JAKMIP1: variants seen among roughly 807,000 people sequenced by gnomAD.
JAKMIP1 encodes the protein janus kinase and microtubule interacting protein 1, also known as janus kinase and microtubule-interacting protein 1.
In JAKMIP1, 33 loss-of-function variants were observed where a neutral mutation model predicts 113.0. The ratio of observed to expected loss-of-function variants is 0.29; its 90% CI spans 0.22 to 0.39. The LOEUF (loss-of-function observed/expected upper bound fraction) is 0.39, where lower values mean the gene tolerates loss of function less well. Among genes scored for constraint, JAKMIP1 ranks in the 10% least tolerant of loss-of-function variants. The probability of loss-of-function intolerance (pLI) is 1.00; values close to 1 mark genes in which losing one functional copy is unlikely to be tolerated. For missense variants in JAKMIP1, 813 were observed against 1,080.5 expected, an observed-to-expected ratio of 0.75 and a Z score of 3.47; for synonymous variants, 480 against 459.9, an observed-to-expected ratio of 1.04 and a Z score of -0.56.
chr4:6,105,684 T>C lies in JAKMIP1; in HGVS notation c.413A>G (p.Glu138Gly), dbSNP rs1032370263. The change falls in exon 3 of 21, where the codon GAG becomes GGG. Residue 138 changes from glutamate to glycine, a missense_variant. Physicochemically the swap from Glu to Gly is moderately conservative, Grantham distance 98 (BLOSUM62 -2). Coordinates refer to ENST00000409021, the MANE Select transcript of JAKMIP1 (RefSeq NM_001099433.2). ...TCCATCGAAGGCCCTGCGCGCCTCC[T>C]CGCGCGCCTCGGTCAGCAGCGCCGT... The part of the protein sequence containing the change: ...VKTALLTEAR[E>G]EARRAFDGER... 2 of 1,602,884 alleles carry C rather than the reference T, an allele frequency of 1.2e-6. No homozygotes were observed. The highest frequency in any genetic ancestry group is 1.7e-6 in the Non-Finnish European group (2 of 1,177,346).
At position 6,135,669 on chromosome 4, in the gene JAKMIP1, G is replaced by A. The variant is rs531466785; in HGVS notation, c.-147-22672C>T. Among the ~76,000 whole-genome samples, 116 of 152,192 alleles carry A rather than the reference G, an allele frequency of 7.6e-4. No individual in the cohort carries two copies. The highest frequency in any genetic ancestry group is 1.0e-3 in the Non-Finnish European group (68 of 68,016). Reference sequence around the variant, plus strand: ...CCACTGCATCAACCATACCACCCCCGCTGAGAAGTTGCTTCTTGCCCCATG... The same window carrying A: ...CCACTGCATCAACCATACCACCCCCACTGAGAAGTTGCTTCTTGCCCCATG... On this transcript the variant is annotated intron_variant, in intron 1 of 20. Coordinates refer to ENST00000409021, the MANE Select transcript of JAKMIP1 (RefSeq NM_001099433.2). This position sits in a 1 kb window ranked among gnomAD's most constrained non-coding sequence, Gnocchi z 4.9.
At chr4:6,084,318 CAAAA>C (rs34850390) in intron 5 of JAKMIP1, among the ~76,000 whole-genome samples, 3 of 123,040 alleles carry the variant, frequency 2.4e-5, no homozygotes, top group African/African-American at 3.2e-5. Context: ...AACTTTATCT[CAAAA>C]AAAAAAAAAA....
At position 6,029,591 on chromosome 4, in the gene JAKMIP1, G is replaced by A. The variant is rs930276350; in HGVS notation, c.2445+125C>T. On this transcript the variant is annotated intron_variant, in intron 20 of 20. Coordinates refer to ENST00000409021, the MANE Select transcript of JAKMIP1 (RefSeq NM_001099433.2). ...ATTTCCATGAGATGCTGATTTAGGG[G>A]AAGAAGGGCAGAGAAAGGAGGGCTG... 4 of 676,396 alleles carry A rather than the reference G, an allele frequency of 5.9e-6. No individual in the cohort carries two copies. In the African/African-American group the frequency reaches 7.2e-5, roughly 12 times the overall value. 41.9% of individuals were successfully genotyped at this position (676,396 alleles called of 1,614,324 possible). A position where few individuals can be genotyped will look rare whatever the true frequency, so the allele number is the denominator to read the frequency against.
chr4:6,061,566 C>A lies in JAKMIP1; in HGVS notation c.1560+746G>T, dbSNP rs549305651. On this transcript the variant is annotated intron_variant, in intron 10 of 20. Transcript: ENST00000409021. The surrounding 1 kb of genome is among the most constrained non-coding windows in gnomAD (Gnocchi z 5.3). ...GCCCTGAGTCCGAGAAACCTGGCCTCGACTCCCAGCTCTGTTCAGCATCAT... is the reference window on the plus strand; with the variant it reads ...GCCCTGAGTCCGAGAAACCTGGCCTAGACTCCCAGCTCTGTTCAGCATCAT... Among the ~76,000 whole-genome samples the A allele has an allele frequency of 6.6e-6, 1 of 152,184 alleles. No individual in the cohort carries two copies. Among genetic ancestry groups the A allele is most frequent in the Non-Finnish European group, 1.5e-5 (1 of 68,040 alleles).
intron 7 of JAKMIP1, 76 bp from the exon 8 acceptor site, chr4:6,079,074 G>C: frequency 6.5e-7 from 1 of 1,527,118 alleles, no homozygotes; most frequent in Non-Finnish European, 9.1e-7. Context: ...CTCTCAAAGG[G>C]AGCTGGGCCT....
In JAKMIP1 at chr4:6,176,099, C is replaced by T. The variant is rs1270600495; in HGVS notation, c.-148+24154G>A. On this transcript the variant is annotated intron_variant, in intron 1 of 20. Coordinates refer to ENST00000409021, the MANE Select transcript of JAKMIP1 (RefSeq NM_001099433.2). This position sits in a 1 kb window ranked among gnomAD's most constrained non-coding sequence, Gnocchi z 5.5. ...ATACAGAGATGAACATGGTGTAATG[C>T]TCCCCTGGAGTAGTCAGAGATCTAG... Among the ~76,000 whole-genome samples the T allele has an allele frequency of 6.6e-6, 1 of 152,218 alleles. No homozygotes were observed. Among genetic ancestry groups the T allele is most frequent in the Non-Finnish European group, 1.5e-5 (1 of 68,046 alleles).
Position 6,158,860 on chromosome 4 carries a change from A to G in JAKMIP1, c.-148+41393T>C, listed in dbSNP as rs1251997876. Among the ~76,000 whole-genome samples, 1 of 152,160 alleles carries G rather than the reference A, an allele frequency of 6.6e-6. No homozygotes were observed. The highest frequency in any genetic ancestry group is 1.5e-5 in the Non-Finnish European group (1 of 68,024). On this transcript the variant is annotated intron_variant, in intron 1 of 20. Transcript: ENST00000409021. This position sits in a 1 kb window ranked among gnomAD's most constrained non-coding sequence, Gnocchi z 5.3. ...TCTCATCACTTTGGGAGTTTGAAGC[A>G]GGAGGATCGCTTGACCTCAGGAGTT...
At chr4:6,102,895 C>T (rs888730410) in intron 3 of JAKMIP1, among the ~76,000 whole-genome samples, 1 of 151,586 alleles carries the variant, frequency 6.6e-6, no homozygotes, top group Non-Finnish European at 1.5e-5. Context: ...CACTGCACCC[C>T]GCTAATTTTT....
Position 6,158,671 on chromosome 4 carries a change from C to T in JAKMIP1, c.-148+41582G>A, listed in dbSNP as rs1722550352. 6.6e-6 allele frequency among the ~76,000 whole-genome samples: 1 copy of T among 151,784 alleles called. No individual in the cohort carries two copies. The highest frequency in any genetic ancestry group is 2.1e-4 in the South Asian group (1 of 4,802). On this transcript the variant is annotated intron_variant, in intron 1 of 20. Transcript: ENST00000409021. The surrounding 1 kb of genome is among the most constrained non-coding windows in gnomAD (Gnocchi z 5.3). ...CATCATTTCCACAAAGGAAGTCCAT[C>T]TTTTTAGGTTAGGAAAGAAAATTTG...
rs1264410954 is a variant in JAKMIP1, at chr4:6,184,622, A to G, written c.-148+15631T>C. The stretch of plus-strand genomic sequence containing the variant: ...TAGGAAACAAGGGTCCCCCGCGCTC[A>G]CCTGTAGATTCAGCAAGAGAGCAGG... On this transcript the variant is annotated intron_variant, in intron 1 of 20. Transcript: ENST00000409021. This position sits in a 1 kb window ranked among gnomAD's most constrained non-coding sequence, Gnocchi z 4.5. 3.3e-5 allele frequency among the ~76,000 whole-genome samples: 5 copies of G among 152,176 alleles called. No individual in the cohort carries two copies. The highest frequency in any genetic ancestry group is 7.3e-5 in the Non-Finnish European group (5 of 68,040).
At chr4:6,102,007 C>T (rs150810667) in intron 3 of JAKMIP1, among the ~76,000 whole-genome samples, 39 of 151,888 alleles carry the variant, frequency 2.6e-4, no homozygotes, top group African/African-American at 8.7e-4. Context: ...GTCTTCTAAT[C>T]GATGAAAACG....
At chr4:6,056,899 T>A in intron 11 of JAKMIP1, 140 bp from the exon 12 acceptor site, 1 of 671,902 alleles carries the variant, frequency 1.5e-6, no homozygotes, top group Non-Finnish European at 2.7e-6. Flanking sequence ...TGTGCCCTCA[T>A]TGTCCCTGTC....
rs919986718 is a variant in JAKMIP1, at chr4:6,158,410, G to A, written c.-148+41843C>T. ...GAACGTGGCTCCAGGAAGGCTTCCA[G>A]AGGCAGGACCCCTGCGATGTTCACC... On this transcript the variant is annotated intron_variant, in intron 1 of 20. Transcript: ENST00000409021. This position sits in a 1 kb window ranked among gnomAD's most constrained non-coding sequence, Gnocchi z 5.3. Among the ~76,000 whole-genome samples, 1 of 152,200 alleles carries A rather than the reference G, an allele frequency of 6.6e-6. No individual in the cohort carries two copies. Among genetic ancestry groups the A allele is most frequent in the African/African-American group, 2.4e-5 (1 of 41,446 alleles).
intron 2 of JAKMIP1, among the ~76,000 whole-genome samples, chr4:6,109,283 C>T (rs563622806): frequency 4.5e-4 from 68 of 152,008 alleles, no homozygotes; most frequent in South Asian, 2.3e-3. Flanking sequence ...CAGGCACCCG[C>T]CACTGCGCCC....
rs1488134443 is a variant in JAKMIP1, at chr4:6,081,645, C to T, written c.1065G>A (p.Glu355=). 1 of 1,614,208 alleles carries T rather than the reference C, an allele frequency of 6.2e-7. No individual in the cohort carries two copies. The highest frequency in any genetic ancestry group is 2.2e-5 in the East Asian group (1 of 44,884). ...TTTCCCGCGTGAGGTTCTTGATTTT[C>T]TCCTCCATCCTCTGGATACTCTGCA... ...DLLQSIQRME[E]KIKNLTRENV... The change falls in exon 6 of 21, where the codon GAG becomes GAA. Residue 355 remains glutamate (E), a synonymous_variant. Coordinates refer to ENST00000409021, the MANE Select transcript of JAKMIP1 (RefSeq NM_001099433.2). This position sits in a 1 kb window ranked among gnomAD's most constrained non-coding sequence, Gnocchi z 4.6.
chr4:6,048,197 A>G (rs1014805826), intron 16 of JAKMIP1, among the ~76,000 whole-genome samples: 2 of 152,248 alleles, frequency 1.3e-5, no homozygotes, highest in African/African-American at 4.8e-5. Context: ...TGCCATGTCA[A>G]GCATAAATCA....
rs1405870779 is a variant in JAKMIP1 at position 6,184,451 on chromosome 4, GGA to G, written c.-148+15800_-148+15801del. ...AGCCCACACTCAGCATCACAAGGAG[GGA>G]GAGAGGGCAAGGCAAGTGCAGTATA... On this transcript the variant is annotated intron_variant, in intron 1 of 20. Transcript: ENST00000409021. This position sits in a 1 kb window ranked among gnomAD's most constrained non-coding sequence, Gnocchi z 4.5. Among the ~76,000 whole-genome samples, 1 of 152,150 alleles carries G rather than the reference GGA, an allele frequency of 6.6e-6. No homozygotes were observed. Among genetic ancestry groups the G allele is most frequent in the Non-Finnish European group, 1.5e-5 (1 of 68,034 alleles).
At chr4:6,165,104 C>T (rs906866675) in intron 1 of JAKMIP1, among the ~76,000 whole-genome samples, 4 of 152,124 alleles carry the variant, frequency 2.6e-5, no homozygotes, top group Non-Finnish European at 4.4e-5. Context: ...AAGAGTCCAT[C>T]GACAGGACAA....
chr4:6,086,736 C>T lies in JAKMIP1; in HGVS notation c.625-1107G>A, dbSNP rs1721361769. On this transcript the variant is annotated intron_variant, in intron 3 of 20. Coordinates refer to ENST00000409021, the MANE Select transcript of JAKMIP1 (RefSeq NM_001099433.2). The surrounding 1 kb of genome is among the most constrained non-coding windows in gnomAD (Gnocchi z 4.1). ...GGGACCTTATTTGGAAAGAGGGTAA[C>T]TGCAGGTGCAATTAGTTAAGATGAG... 6.6e-6 allele frequency among the ~76,000 whole-genome samples: 1 copy of T among 152,060 alleles called. No homozygotes were observed. Among genetic ancestry groups the T allele is most frequent in the East Asian group, 1.9e-4 (1 of 5,180 alleles).
Sources: gnomAD v4.1 joint callset for allele counts (sites outside exome capture counted in the v4.1 genomes callset) on GRCh38, gnomAD v4.1.1 for gene constraint, Gnocchi (gnomAD v3.1) non-coding constraint, MANE v1.5 for transcripts, NCBI Gene and HGNC (gene_info 2026-07-23, HGNC 2026-07-21) for gene names.